LASP1: variants seen among roughly 807,000 people sequenced by gnomAD.
LASP1 encodes the protein LIM and SH3 domain protein 1.
Under a neutral mutation model 38.6 loss-of-function variants are expected in LASP1, and 10 were observed. The observed-to-expected ratio is 0.26, with a 90% CI of 0.16 to 0.44. LASP1 has a LOEUF of 0.44. Ranked by LOEUF, LASP1 falls within the 20% of genes least tolerant of loss-of-function variation. The pLI is 1.00. For missense variants in LASP1, 243 were observed against 375.7 expected (o/e 0.65, Z 2.92); for synonymous variants, 132 against 140.8 (o/e 0.94, Z 0.44).
At chr17:38,903,184 G>GA (rs1286707536) in intron 4 of LASP1, among the ~76,000 whole-genome samples, 25 of 152,274 alleles carry the variant, frequency 1.6e-4, no homozygotes, top group Middle Eastern at 3.4e-3. Flanking sequence ...GCTAAGTGGT[G>GA]AGACAGTGAG....
rs558156219 is a variant in LASP1, at chr17:38,870,151, G to C, written c.-39G>C. 17 of 1,610,482 alleles carry C rather than the reference G, an allele frequency of 1.1e-5. No individual in the cohort carries two copies. In the East Asian group the frequency reaches 2.9e-4, roughly 27 times the overall value. On this transcript the variant is annotated 5_prime_UTR_variant, in exon 1 of 7. Transcript: ENST00000318008. Reference sequence around the variant, plus strand: ...GCTCGCCTCGGGGAACAGGACGCGCGTGAGCTCAGGCGTCCCCGCCCCAGC... The same window carrying C: ...GCTCGCCTCGGGGAACAGGACGCGCCTGAGCTCAGGCGTCCCCGCCCCAGC...
intron 4 of LASP1, among the ~76,000 whole-genome samples, chr17:38,911,874 A>C (rs934403239): frequency 6.6e-6 from 1 of 152,004 alleles, no homozygotes; most frequent in Non-Finnish European, 1.5e-5. Context: ...GCTCACCGCA[A>C]CCTCTGCCTC....
Position 38,915,067 on chromosome 17 carries a change from C to A in LASP1, c.533C>A (p.Pro178Gln). 1 of 1,613,938 alleles carries A rather than the reference C, an allele frequency of 6.2e-7. No individual in the cohort carries two copies. ...APVYQQPQQQ[P>Q]VAQSYGGYKE... ...GTTTACCAGCAGCCCCAGCAGCAGC[C>A]GGTGGCCCAGTCCTATGGTGGCTAC... The change falls in exon 6 of 7, where the codon CCG becomes CAG. Residue 178 changes from proline (P) to glutamine (Q), a missense_variant. Around this residue, in one of 4 missense-constraint regions of LASP1, gnomAD observed 165 missense variants for 210.3 expected, o/e 0.78. Coordinates refer to ENST00000318008, the MANE Select transcript of LASP1 (RefSeq NM_006148.4).
intron 3 of LASP1, among the ~76,000 whole-genome samples, chr17:38,897,941 C>T (rs533267719): frequency 1.3e-5 from 2 of 152,272 alleles, no homozygotes; most frequent in South Asian, 4.1e-4. Flanking sequence ...CCTGGGAGCC[C>T]TGGAAAGAAC....
Position 38,886,143 on chromosome 17 carries a change from T to C in LASP1, c.165-4277T>C, listed in dbSNP as rs117362659. 2.7e-3 allele frequency among the ~76,000 whole-genome samples: 412 copies of C among 151,958 alleles called. 3 individuals carry two copies. Among genetic ancestry groups the C allele is most frequent in the Non-Finnish European group, 4.5e-3 (307 of 67,978 alleles). On this transcript the variant is annotated intron_variant, in intron 2 of 6. Transcript: ENST00000318008. The stretch of plus-strand genomic sequence containing the variant: ...CTCTCACTCTCACTCTCTCTCTCTC[T>C]CTCTCTGTCTCGCTCTCGCTCTCTC...
chr17:38,870,773 C>T (rs1335167999), intron 1 of LASP1, among the ~76,000 whole-genome samples: 3 of 152,130 alleles, frequency 2.0e-5, no homozygotes, highest in South Asian at 4.1e-4. Context: ...GGGCTATCAG[C>T]CTGCGAGTGT....
intron 4 of LASP1, among the ~76,000 whole-genome samples, chr17:38,908,110 G>A (rs1156561867): frequency 6.6e-6 from 1 of 152,188 alleles, no homozygotes; most frequent in African/African-American, 2.4e-5. Context: ...TGCAGATAGC[G>A]TCATGTCCAG....
intron 2 of LASP1, among the ~76,000 whole-genome samples, 194 bp downstream of exon 2, chr17:38,878,374 C>CCATTTAAAGTG (rs1159946430): frequency 6.6e-6 from 1 of 152,140 alleles, no homozygotes; most frequent in Non-Finnish European, 1.5e-5. Context: ...CTTTTATCCC[C>CCATTTAAAGTG]CATTTAAAGT....
intron 4 of LASP1, among the ~76,000 whole-genome samples, chr17:38,912,627 A>T (rs909658230): frequency 1.3e-5 from 2 of 152,090 alleles, no homozygotes; most frequent in African/African-American, 4.8e-5. Flanking sequence ...CCATCTGGAC[A>T]GTTTTCAGAC....
intron 4 of LASP1, 38 bp from the exon 5 acceptor site, chr17:38,914,287 C>T (rs1171600529): frequency 4.4e-6 from 7 of 1,577,824 alleles, no homozygotes; most frequent in Non-Finnish European, 6.0e-6. Flanking sequence ...GGGTGGTTTG[C>T]AGTGGGACCC....
intron 5 of LASP1, among the ~76,000 whole-genome samples, chr17:38,914,713 CAT>C (rs138884406): frequency 7.0e-6 from 1 of 143,150 alleles, no homozygotes; most frequent in Admixed American, 6.8e-5. Flanking sequence ...CACACACACA[CAT>C]GCACGCACGC....
intron 2 of LASP1, among the ~76,000 whole-genome samples, chr17:38,884,135 C>A (rs184094422): frequency 3.3e-4 from 50 of 151,942 alleles, no homozygotes; most frequent in African/African-American, 1.2e-3. Flanking sequence ...AAGCCTGGAA[C>A]GGGCGAGGCT....
chr17:38,878,790 T>C (rs80253064), intron 2 of LASP1, among the ~76,000 whole-genome samples: 2,786 of 152,252 alleles, frequency 0.018, 78 homozygotes, highest in African/African-American at 0.06. Flanking sequence ...CTGGGCCAGA[T>C]AGATCTCTTC....
intron 3 of LASP1, among the ~76,000 whole-genome samples, chr17:38,897,348 T>G (rs1914517431): frequency 2.6e-5 from 4 of 152,210 alleles, no homozygotes. Flanking sequence ...GATGATTCCC[T>G]GCCAGGGAAC....
chr17:38,917,279 G>A (rs598751), intron 6 of LASP1, among the ~76,000 whole-genome samples: 26,899 of 152,192 alleles, frequency 0.18, 2,702 homozygotes, highest in Middle Eastern at 0.36. Flanking sequence ...TGGGAGGTGT[G>A]ACTTCTTATC....
rs551669182 is a variant in LASP1 at position 38,890,416 on chromosome 17, G to T, written c.165-4G>T. 4 of 1,613,656 alleles carry T rather than the reference G, an allele frequency of 2.5e-6. No homozygotes were observed. Among genetic ancestry groups the T allele is most frequent in the Non-Finnish European group, 3.4e-6 (4 of 1,179,878 alleles). ...ACCCCCACTCTGTTTTTTCTGTCCT[G>T]CAGACACTACCCCAAGCAGTCCTTC... On this transcript the variant is annotated splice_polypyrimidine_tract_variant and splice_region_variant and intron_variant, in intron 2 of 6. Transcript: ENST00000318008.
Position 38,920,560 on chromosome 17 carries a change from T to G in LASP1, c.*1782T>G, listed in dbSNP as rs1189049308. On this transcript the variant is annotated 3_prime_UTR_variant, in exon 7 of 7. Coordinates refer to ENST00000318008, the MANE Select transcript of LASP1 (RefSeq NM_006148.4). ...TTGGCCTCTTGTCCCTTGGCACACT[T>G]GTACCCACAGGTGAGGGGCAGGACC... 1 of 249,516 alleles carries G rather than the reference T, an allele frequency of 4.0e-6. No individual in the cohort carries two copies. Among genetic ancestry groups the G allele is most frequent in the Non-Finnish European group, 7.9e-6 (1 of 126,332 alleles). 15.5% of individuals were successfully genotyped at this position (249,516 alleles called of 1,614,324 possible).
At chr17:38,878,527 G>A (rs949882660) in intron 2 of LASP1, among the ~76,000 whole-genome samples, 2 of 152,194 alleles carry the variant, frequency 1.3e-5, no homozygotes, top group Non-Finnish European at 2.9e-5. Context: ...TGCTACAAAA[G>A]AGGGGGCTTT....
chr17:38,898,128 T>C (rs964263476), intron 3 of LASP1, among the ~76,000 whole-genome samples: 2 of 152,204 alleles, frequency 1.3e-5, no homozygotes, highest in Non-Finnish European at 2.9e-5. Context: ...AGCTGTTAAT[T>C]GCGTGGCTAT....
Sources: allele counts gnomAD v4.1 joint callset (sites outside exome capture counted in the v4.1 genomes callset), GRCh38; gene constraint gnomAD v4.1.1; regional missense constraint gnomAD v4.1.1; transcripts MANE v1.5; gene names NCBI Gene and HGNC (gene_info 2026-07-23, HGNC 2026-07-21).